EHMT1: variants seen among roughly 807,000 people sequenced by gnomAD.
EHMT1 encodes the protein histone-lysine N-methyltransferase EHMT1.
In EHMT1, 15 loss-of-function variants were observed where a neutral mutation model predicts 147.2. The ratio of observed to expected loss-of-function variants is 0.10; its 90% confidence interval spans 0.07 to 0.16. The LOEUF (loss-of-function observed/expected upper bound fraction) is 0.16. Ranked by LOEUF, EHMT1 falls within the 10% of genes least tolerant of loss-of-function variation. The pLI, the probability that EHMT1 is intolerant of heterozygous loss-of-function variation, is 1.00. For missense variants in EHMT1, 1,587 were observed against 1,772.4 expected (o/e 0.90, Z 1.88); for synonymous variants, 795 against 709.6 (o/e 1.12, Z -1.91).
chr9:137,720,976 C>CGATGTTGCAGT (rs1945891848), intron 3 of EHMT1, among the ~76,000 whole-genome samples: 1 of 152,054 alleles, frequency 6.6e-6, no homozygotes, highest in South Asian at 2.1e-4. Context: ...CGCCCACCGG[C>CGATGTTGCAGT]GATGTTGCAG....
chr9:137,745,997 C>A lies in EHMT1; in HGVS notation c.1170+1907C>A, dbSNP rs192597817. Reference sequence around the variant, plus strand: ...TGCTAAATAGCCCCTGCTCATTTTTCTTCTGGATTTTGCATCTTTTGAATG... The same window carrying A: ...TGCTAAATAGCCCCTGCTCATTTTTATTCTGGATTTTGCATCTTTTGAATG... On this transcript the variant is annotated intron_variant, in intron 6 of 26. Coordinates refer to ENST00000460843, the MANE Select transcript of EHMT1 (RefSeq NM_024757.5). 333 of 156,954 alleles carry A rather than the reference C, an allele frequency of 2.1e-3. 3 individuals are homozygous for A. Among genetic ancestry groups the A allele is most frequent in the African/African-American group, 7.4e-3 (309 of 41,786 alleles). The allele number at this position is 156,954 out of a possible 1,614,324, so 9.7% of individuals were successfully genotyped here.
chr9:137,784,499 C>A, intron 15 of EHMT1: 1 of 944,958 alleles, frequency 1.1e-6, no homozygotes, highest in South Asian at 4.9e-5. Context: ...TACAGACTTT[C>A]CACTTTTTGG....
At chr9:137,795,545 A>G (rs905861924) in intron 16 of EHMT1, among the ~76,000 whole-genome samples, 1 of 152,180 alleles carries the variant, frequency 6.6e-6, no homozygotes, top group Non-Finnish European at 1.5e-5. Context: ...AGTGAAATTG[A>G]GGTACCTGGA....
rs542784312 is a variant in EHMT1 at position 137,691,041 on chromosome 9, C to T, written c.22-19926C>T. 2.0e-3 allele frequency among the ~76,000 whole-genome samples: 310 copies of T among 152,190 alleles called. 1 individual carries two copies. The highest frequency in any genetic ancestry group is 3.6e-3 in the Non-Finnish European group (242 of 68,002). ...GTGCTGCTGTTACCACCATCCAGCT[C>T]CAGAACTTTTTCATCATTTCAAGCT... On this transcript the variant is annotated intron_variant, in intron 1 of 26. Transcript: ENST00000460843.
chr9:137,627,258 ATT>A lies in EHMT1; in HGVS notation c.21+8230_21+8231del, dbSNP rs1196958635. ...TAGGCATGAACCACCATGCCTGGCCATTTTTTTTTTTTTTTTTTTTTTGAGAT... is the reference window on the plus strand; with the variant it reads ...TAGGCATGAACCACCATGCCTGGCCATTTTTTTTTTTTTTTTTTTTGAGAT... On this transcript the variant is annotated intron_variant, in intron 1 of 26. Coordinates refer to ENST00000460843, the MANE Select transcript of EHMT1 (RefSeq NM_024757.5). 2.0e-4 allele frequency among the ~76,000 whole-genome samples: 23 copies of A among 113,862 alleles called. No individual in the cohort carries two copies. The East Asian group carries it at 2.9e-3, about 14-fold the overall frequency. The allele number at this position is 113,862 out of a possible 152,430, so 74.7% of individuals were successfully genotyped here.
rs117256904 is a variant in EHMT1 at position 137,752,222 on chromosome 9, G to A, written c.1171-109G>A. On this transcript the variant is annotated intron_variant, in intron 6 of 26. Coordinates refer to ENST00000460843, the MANE Select transcript of EHMT1 (RefSeq NM_024757.5). The stretch of plus-strand genomic sequence containing the variant: ...CCCCGCGAGCGTCTCCGGCGTGTGC[G>A]GCCAGTGCCCGTTTCGAGGTTTGCT... 1.5e-3 allele frequency: 2,015 copies of A among 1,316,608 alleles called. 38 individuals are homozygous for A. The East Asian group carries it at 0.038, about 25-fold the overall frequency. The allele number at this position is 1,316,608 out of a possible 1,614,324, so 81.6% of individuals were successfully genotyped here. A position where few individuals can be genotyped will look rare whatever the true frequency, so the allele number is the denominator to read the frequency against.
At position 137,817,852 on chromosome 9, in the gene EHMT1, C is replaced by T. The variant is rs532973361; in HGVS notation, c.3462-208C>T. 1.7e-4 allele frequency: 107 copies of T among 637,674 alleles called. 1 individual carries two copies. Among genetic ancestry groups the T allele is most frequent in the South Asian group, 1.3e-3 (67 of 53,062 alleles). 39.5% of individuals were successfully genotyped at this position (637,674 alleles called of 1,614,324 possible). On this transcript the variant is annotated intron_variant, in intron 24 of 26. Transcript: ENST00000460843. ...GGGTTCTCAGGTACCAGACCGCAGA[C>T]GCAGAGCTTTCGGTATCGTTATCAT...
rs1947240960 is a variant in EHMT1 at position 137,732,928 on chromosome 9, C to T, written c.823+4399C>T. On this transcript the variant is annotated intron_variant, in intron 4 of 26. Transcript: ENST00000460843. The surrounding 1 kb of genome is among the most constrained non-coding windows in gnomAD (Gnocchi z 4.6). ...GTGGCGATGATCACAGATGGTTCTG[C>T]TCTTTCCCTCCTGCTACCCCCTTAA... Among the ~76,000 whole-genome samples, 1 of 152,326 alleles carries T rather than the reference C, an allele frequency of 6.6e-6. No individual in the cohort carries two copies. Among genetic ancestry groups the T allele is most frequent in the South Asian group, 2.1e-4 (1 of 4,818 alleles).
chr9:137,817,199 G>A (rs1588874473), intron 23 of EHMT1: 2 of 594,814 alleles, frequency 3.4e-6, no homozygotes, highest in East Asian at 3.0e-5. Context: ...CCGAGCCACG[G>A]CCAGGACCAG....
At chr9:137,781,070 G>A (rs1225044074) in intron 14 of EHMT1, among the ~76,000 whole-genome samples, 76 of 122,432 alleles carry the variant, frequency 6.2e-4, no homozygotes, top group Non-Finnish European at 1.1e-3. Context: ...TGATGACGCC[G>A]GGATGTGTGG....
chr9:137,773,901 C>T (rs1168887435), intron 10 of EHMT1, among the ~76,000 whole-genome samples: 2 of 152,190 alleles, frequency 1.3e-5, no homozygotes, highest in Non-Finnish European at 2.9e-5. Context: ...TATTGGCTAT[C>T]AGAGAACTTT....
chr9:137,813,553 C>CT lies in EHMT1; in HGVS notation c.3180+24dup. 1 of 1,613,134 alleles carries CT rather than the reference C, an allele frequency of 6.2e-7. No homozygotes were observed. Among genetic ancestry groups the CT allele is most frequent in the East Asian group, 2.2e-5 (1 of 44,880 alleles). ...CAGGTGAGTGACGGCAGATGAAGGG[C>CT]TGACTCAGGCCAGGACATGGGACAG... On this transcript the variant is annotated intron_variant, in intron 21 of 26. Transcript: ENST00000460843. The surrounding 1 kb of genome is among the most constrained non-coding windows in gnomAD (Gnocchi z 4.9).
At chr9:137,673,280 T>G (rs1384519086) in intron 1 of EHMT1, among the ~76,000 whole-genome samples, 1 of 152,084 alleles carries the variant, frequency 6.6e-6, no homozygotes, top group African/African-American at 2.4e-5. Flanking sequence ...TCCCCAGGGG[T>G]TTGTGGTCCC....
chr9:137,800,712 T>C (rs1391834586), intron 17 of EHMT1, 168 bp from the exon 18 acceptor site: 1 of 642,544 alleles, frequency 1.6e-6, no homozygotes, highest in African/African-American at 1.8e-5. Context: ...TGGGCTGTGC[T>C]CTGAGGAAGA....
Position 137,786,777 on chromosome 9 carries a change from T to TC in EHMT1, c.2383-4067dup, listed in dbSNP as rs1212188432. ...CCCGTCTTGGTCATGTGGAGTCATCTCCCCTGTGCACAGACAGAGAAATCC... is the reference window on the plus strand; with the variant it reads ...CCCGTCTTGGTCATGTGGAGTCATCTCCCCCTGTGCACAGACAGAGAAATCC... On this transcript the variant is annotated intron_variant, in intron 15 of 26. Transcript: ENST00000460843. This position sits in a 1 kb window ranked among gnomAD's most constrained non-coding sequence, Gnocchi z 4.3. 2 of 153,338 alleles carry TC rather than the reference T, an allele frequency of 1.3e-5. No individual in the cohort carries two copies. The highest frequency in any genetic ancestry group is 4.8e-5 in the African/African-American group (2 of 41,602). The allele number at this position is 153,338 out of a possible 1,614,324, so 9.5% of individuals were successfully genotyped here. A position where few individuals can be genotyped will look rare whatever the true frequency, so the allele number is the denominator to read the frequency against.
At chr9:137,635,901 C>T (rs1243398958) in intron 1 of EHMT1, among the ~76,000 whole-genome samples, 1 of 151,756 alleles carries the variant, frequency 6.6e-6, no homozygotes, top group Admixed American at 6.6e-5. Context: ...CTTTTTGATG[C>T]TTTTATAAAT....
intron 3 of EHMT1, among the ~76,000 whole-genome samples, chr9:137,718,761 T>TC (rs1945622612): frequency 7.3e-6 from 1 of 137,416 alleles, no homozygotes; most frequent in African/African-American, 3.0e-5. Flanking sequence ...TTTCTTTTTC[T>TC]TTTTTTTTTT....
chr9:137,632,918 G>A (rs567530566), intron 1 of EHMT1, among the ~76,000 whole-genome samples: 2 of 152,344 alleles, frequency 1.3e-5, no homozygotes, highest in African/African-American at 4.8e-5. Flanking sequence ...GGCAGGGAGT[G>A]ACCTCATCAG....
intron 26 of EHMT1, 32 bp from the exon 27 acceptor site, chr9:137,834,741 G>A (rs1226378377): frequency 7.4e-6 from 12 of 1,613,180 alleles, no homozygotes; most frequent in Non-Finnish European, 3.4e-6. Flanking sequence ...GGTGGGATTC[G>A]ACTTGGAGCC....
Sources: gnomAD v4.1 joint callset for allele counts (sites outside exome capture counted in the v4.1 genomes callset) on GRCh38, gnomAD v4.1.1 for gene constraint, Gnocchi (gnomAD v3.1) non-coding constraint, MANE v1.5 for transcripts, NCBI Gene and HGNC (gene_info 2026-07-23, HGNC 2026-07-21) for gene names.